Variants in GPC6 observed in about 807,000 individuals in gnomAD.
The protein encoded by GPC6 is glypican 6, also known as glypican-6.
In GPC6, 14 loss-of-function variants were observed where a neutral mutation model predicts 55.2. That is an observed-to-expected ratio of 0.25 (90% CI 0.17 to 0.40). The LOEUF is 0.40. Ranked by LOEUF, GPC6 falls within the 10% of genes least tolerant of loss-of-function variation. The probability of loss-of-function intolerance (pLI) is 1.00; values close to 1 mark genes in which losing one functional copy is unlikely to be tolerated. For missense variants in GPC6, 641 were observed against 708.5 expected (o/e 0.90, Z 1.08); for synonymous variants, 278 against 259.6 (o/e 1.07, Z -0.68).
chr13:94,182,184 A>G (rs943266385), intron 4 of GPC6, among the ~76,000 whole-genome samples: 6 of 151,806 alleles, frequency 4.0e-5, no homozygotes, highest in Admixed American at 6.6e-5. Flanking sequence ...GATACAGTGG[A>G]GTAACTTAGG....
At chr13:93,789,600 TATATATATATATATATATATATATA>T (rs1885944221) in intron 2 of GPC6, among the ~76,000 whole-genome samples, 2 of 12,844 alleles carry the variant, frequency 1.6e-4, no homozygotes, top group South Asian at 7.4e-3. Flanking sequence ...TAATACTACA[TATATATATATATATATATATATATA>T]TATATATATA....
chr13:94,081,409 T>C (rs1885091498), intron 4 of GPC6, among the ~76,000 whole-genome samples: 1 of 152,230 alleles, frequency 6.6e-6, no homozygotes. Flanking sequence ...CCATATTTAA[T>C]GTCTCTCTTT....
At chr13:93,727,247 A>G (rs916270175) in intron 2 of GPC6, among the ~76,000 whole-genome samples, 1 of 152,180 alleles carries the variant, frequency 6.6e-6, no homozygotes, top group Non-Finnish European at 1.5e-5. Context: ...TACCATGTAA[A>G]GTTGAAAGCT....
intron 4 of GPC6, among the ~76,000 whole-genome samples, chr13:94,246,950 A>G (rs1360117385): frequency 1.3e-5 from 2 of 152,058 alleles, no homozygotes; most frequent in Non-Finnish European, 2.9e-5. Flanking sequence ...TTTAAGCAGT[A>G]TGGACATTTT....
intron 3 of GPC6, among the ~76,000 whole-genome samples, chr13:93,942,473 C>T (rs1385723075): frequency 1.3e-5 from 2 of 152,126 alleles, no homozygotes; most frequent in African/African-American, 4.8e-5. Context: ...GCACCTGCCA[C>T]CATGCCTGGC....
chr13:93,492,362 C>T (rs1392068086), intron 1 of GPC6, among the ~76,000 whole-genome samples: 2 of 138,030 alleles, frequency 1.4e-5, no homozygotes, highest in African/African-American at 5.4e-5. Flanking sequence ...GATTTTTCTA[C>T]ATTGATTTTG....
chr13:93,549,280 G>A (rs1449395490), intron 2 of GPC6, among the ~76,000 whole-genome samples: 3 of 152,110 alleles, frequency 2.0e-5, no homozygotes, highest in African/African-American at 7.2e-5. Flanking sequence ...CAAGGGGAGA[G>A]TCATCTTTGT....
At chr13:94,157,744 C>G (rs1888005022) in intron 4 of GPC6, among the ~76,000 whole-genome samples, 1 of 152,086 alleles carries the variant, frequency 6.6e-6, no homozygotes, top group African/African-American at 2.4e-5. Flanking sequence ...AGTGTGCACA[C>G]TACACTGGAG....
chr13:93,837,638 G>T (rs1887790319), intron 3 of GPC6, among the ~76,000 whole-genome samples: 1 of 152,120 alleles, frequency 6.6e-6, no homozygotes. Flanking sequence ...TGAAACAGAA[G>T]CAAATAATGT....
intron 6 of GPC6, among the ~76,000 whole-genome samples, chr13:94,333,618 G>GTCA (rs2139145542): frequency 6.6e-6 from 1 of 152,302 alleles, no homozygotes; most frequent in South Asian, 2.1e-4. Context: ...TGCACTTCAA[G>GTCA]TCATCTGTCT....
intron 7 of GPC6, among the ~76,000 whole-genome samples, chr13:94,385,059 C>G (rs35071333): frequency 0.22 from 32,859 of 151,918 alleles, 4,010 homozygotes; most frequent in African/African-American, 0.32. Flanking sequence ...AGCCAAGATA[C>G]AGAAACCCTG....
chr13:93,784,303 T>G (rs1486983876), intron 2 of GPC6, among the ~76,000 whole-genome samples: 1 of 152,184 alleles, frequency 6.6e-6, no homozygotes, highest in Non-Finnish European at 1.5e-5. Flanking sequence ...ACATGAATAT[T>G]TCCCTGTAGT....
chr13:93,626,396 T>A (rs992602820), intron 2 of GPC6, among the ~76,000 whole-genome samples: 1 of 152,222 alleles, frequency 6.6e-6, no homozygotes, highest in Non-Finnish European at 1.5e-5. Context: ...ATCTTCCAGA[T>A]TCCTCAGTTT....
chr13:94,010,281 A>G (rs1234053578), intron 3 of GPC6, among the ~76,000 whole-genome samples: 1 of 152,162 alleles, frequency 6.6e-6, no homozygotes, highest in African/African-American at 2.4e-5. Context: ...TTCTTCCTAA[A>G]TGTGATAAGT....
chr13:93,369,825 C>G (rs1372797882), intron 1 of GPC6, among the ~76,000 whole-genome samples: 3 of 152,108 alleles, frequency 2.0e-5, no homozygotes, highest in South Asian at 4.1e-4. Flanking sequence ...TATAATATTT[C>G]CAGCTTTAAA....
chr13:93,752,348 T>C (rs1357725202), intron 2 of GPC6, among the ~76,000 whole-genome samples: 1 of 151,834 alleles, frequency 6.6e-6, no homozygotes, highest in Non-Finnish European at 1.5e-5. Context: ...TCTCCTTATG[T>C]AAGTCAAGGC....
intron 5 of GPC6, among the ~76,000 whole-genome samples, chr13:94,304,157 C>G (rs1261137751): frequency 6.6e-6 from 1 of 152,218 alleles, no homozygotes; most frequent in Admixed American, 6.5e-5. Flanking sequence ...TTTATCACAT[C>G]GGTTTACACC....
intron 7 of GPC6, among the ~76,000 whole-genome samples, chr13:94,383,488 T>C (rs1566742944): frequency 6.6e-6 from 1 of 152,100 alleles, no homozygotes; most frequent in East Asian, 1.9e-4. Flanking sequence ...CCCAACACTT[T>C]GGGGGGCCAA....
intron 4 of GPC6, among the ~76,000 whole-genome samples, chr13:94,155,813 T>A (rs1266718016): frequency 6.6e-6 from 1 of 152,142 alleles, no homozygotes; most frequent in Non-Finnish European, 1.5e-5. Context: ...CTTTAGAGAC[T>A]TGTCTTCTGC....
Sources: gnomAD v4.1 joint callset for allele counts (sites outside exome capture counted in the v4.1 genomes callset) on GRCh38, gnomAD v4.1.1 for gene constraint, MANE v1.5 for transcripts, NCBI Gene and HGNC (gene_info 2026-07-23, HGNC 2026-07-21) for gene names.